REEP1: variants seen among roughly 807,000 people sequenced by gnomAD.
REEP1 encodes receptor expression-enhancing protein 1.
REEP1 carries 22 observed loss-of-function variants against 40.3 expected under a neutral mutation model. The ratio of observed to expected loss-of-function variants is 0.55; its 90% CI spans 0.39 to 0.78. REEP1 has a LOEUF of 0.78. Ranked by LOEUF, REEP1 falls within the 30% of genes least tolerant of loss-of-function variation. REEP1 has a pLI of 0.00. For missense variants in REEP1, 280 were observed against 361.1 expected (o/e 0.78, Z 1.82); for synonymous variants, 116 against 139.2 (o/e 0.83, Z 1.17).
At chr2:86,239,152 A>C (rs1157947835) in intron 5 of REEP1, among the ~76,000 whole-genome samples, 1 of 141,152 alleles carries the variant, frequency 7.1e-6, no homozygotes, top group Non-Finnish European at 1.5e-5. Context: ...GGTCACCCTG[A>C]GGACCTCATT....
intron 4 of REEP1, among the ~76,000 whole-genome samples, chr2:86,252,633 CCTTAT>C: frequency 6.6e-6 from 1 of 152,180 alleles, no homozygotes; most frequent in Non-Finnish European, 1.5e-5. Flanking sequence ...ATGTCATCTT[CCTTAT>C]CTTGACAGGG....
In REEP1 at chr2:86,316,474, G is replaced by A. The variant is rs573674796; in HGVS notation, c.32+21005C>T. Among the ~76,000 whole-genome samples, 3 of 147,910 alleles carry A rather than the reference G, an allele frequency of 2.0e-5. No homozygotes were observed. In the Admixed American group the frequency reaches 2.1e-4, roughly 10 times the overall value. On this transcript the variant is annotated intron_variant, in intron 1 of 8. Transcript: ENST00000538924. ...GAGGTAGGAGAATCACTTGAACCTG[G>A]CAGGCAGAGGTTGCAGTGAGCCGAG...
At chr2:86,242,101 G>A (rs1675694880) in intron 5 of REEP1, among the ~76,000 whole-genome samples, 1 of 152,120 alleles carries the variant, frequency 6.6e-6, no homozygotes, top group South Asian at 2.1e-4. Context: ...TGACATATGA[G>A]CAAATAACAG....
chr2:86,217,200 T>C, intron 8 of REEP1, 90 bp from the exon 9 acceptor site: 1 of 1,140,750 alleles, frequency 8.8e-7, no homozygotes, highest in Non-Finnish European at 1.3e-6. Flanking sequence ...TGTTGAGACT[T>C]CCAGCTCCTT....
intron 5 of REEP1, among the ~76,000 whole-genome samples, chr2:86,242,273 G>A (rs940081987): frequency 1.9e-4 from 29 of 152,266 alleles, no homozygotes; most frequent in African/African-American, 7.0e-4. Context: ...TTTTAAACCT[G>A]GTCTGCTTAT....
intron 1 of REEP1, among the ~76,000 whole-genome samples, chr2:86,311,288 C>T (rs1279769313): frequency 6.6e-6 from 1 of 152,204 alleles, no homozygotes; most frequent in African/African-American, 2.4e-5. Flanking sequence ...GCCCTTATTT[C>T]CTCCTGCAAC....
At position 86,311,850 on chromosome 2, in the gene REEP1, C is replaced by T. The variant is rs574487895; in HGVS notation, c.32+25629G>A. On this transcript the variant is annotated intron_variant, in intron 1 of 8. Coordinates refer to ENST00000538924, the MANE Select transcript of REEP1 (RefSeq NM_001371279.1). Reference sequence around the variant, plus strand: ...AGAAGCTACCTGCCATGTAAGATCCCGTTCTACCATCCTGCACTGGCAGTG... The same window carrying T: ...AGAAGCTACCTGCCATGTAAGATCCTGTTCTACCATCCTGCACTGGCAGTG... Among the ~76,000 whole-genome samples the T allele has an allele frequency of 6.6e-5, 10 of 152,152 alleles. No homozygotes were observed. In the South Asian group the frequency reaches 8.3e-4, roughly 13 times the overall value.
intron 1 of REEP1, among the ~76,000 whole-genome samples, chr2:86,312,312 A>T (rs1679800271): frequency 1.3e-5 from 2 of 152,112 alleles, no homozygotes; most frequent in Admixed American, 6.5e-5. Flanking sequence ...TGTTTGGAAG[A>T]CCATTTACTC....
At chr2:86,279,738 A>C (rs1375906703) in intron 2 of REEP1, among the ~76,000 whole-genome samples, 2 of 152,176 alleles carry the variant, frequency 1.3e-5, no homozygotes, top group Non-Finnish European at 1.5e-5. Context: ...GCACAAGCCT[A>C]AGAATCCAGG....
intron 3 of REEP1, among the ~76,000 whole-genome samples, chr2:86,259,608 G>A (rs1334746901): frequency 1.3e-5 from 2 of 151,732 alleles, no homozygotes; most frequent in African/African-American, 2.4e-5. Flanking sequence ...GGTTGGTCTC[G>A]AACTCCTGGC....
At position 86,214,935 on chromosome 2, in the gene REEP1, A is replaced by G. The variant is rs901507219; in HGVS notation, c.*2104T>C. The G allele has an allele frequency of 2.7e-5, 4 of 148,976 alleles. No individual in the cohort carries two copies. The highest frequency in any genetic ancestry group is 9.9e-5 in the African/African-American group (4 of 40,566). 9.2% of individuals were successfully genotyped at this position (148,976 alleles called of 1,614,324 possible). A position where few individuals can be genotyped will look rare whatever the true frequency, so the allele number is the denominator to read the frequency against. On this transcript the variant is annotated 3_prime_UTR_variant, in exon 9 of 9. Transcript: ENST00000538924. ...CTCCATTGTAAAATGGCGAAAATAT[A>G]GGTTGTTCACGATAGGATTTTAAAC...
intron 8 of REEP1, among the ~76,000 whole-genome samples, chr2:86,219,458 T>TC (rs1674300662): frequency 1.3e-5 from 2 of 150,568 alleles, no homozygotes; most frequent in African/African-American, 4.9e-5. Context: ...TTTCTTTTTT[T>TC]TTTTTTTTTT....
At chr2:86,299,776 CA>C (rs1378161528) in intron 1 of REEP1, among the ~76,000 whole-genome samples, 1 of 152,186 alleles carries the variant, frequency 6.6e-6, no homozygotes, top group South Asian at 2.1e-4. Context: ...TTACTGTTAA[CA>C]TAAGCACAAC....
At chr2:86,235,943 G>A (rs1225327755) in intron 5 of REEP1, among the ~76,000 whole-genome samples, 2 of 152,274 alleles carry the variant, frequency 1.3e-5, no homozygotes, top group Admixed American at 6.5e-5. Flanking sequence ...CTGACCGGGC[G>A]CGGTGGTTCA....
chr2:86,217,208 C>A, intron 8 of REEP1, 98 bp from the exon 9 acceptor site: 1 of 1,050,330 alleles, frequency 9.5e-7, no homozygotes, highest in East Asian at 2.4e-5. Context: ...CTTCCAGCTC[C>A]TTTGGCCAAA....
At chr2:86,264,969 A>T (rs7559823) in intron 2 of REEP1, among the ~76,000 whole-genome samples, 1 of 152,176 alleles carries the variant, frequency 6.6e-6, no homozygotes, top group Admixed American at 6.5e-5. Flanking sequence ...TCCAAAGAAA[A>T]GGAGAATGCA....
At chr2:86,308,117 G>A (rs1441003750) in intron 1 of REEP1, among the ~76,000 whole-genome samples, 2 of 152,202 alleles carry the variant, frequency 1.3e-5, no homozygotes, top group East Asian at 1.9e-4. Context: ...AGAACAAAAG[G>A]AAGATAAATG....
At chr2:86,335,918 C>A (rs1681006860) in intron 1 of REEP1, among the ~76,000 whole-genome samples, 1 of 143,600 alleles carries the variant, frequency 7.0e-6, no homozygotes, top group Admixed American at 6.9e-5. Flanking sequence ...GTCACATGAC[C>A]CAGTGCTAAT....
chr2:86,226,359 C>T (rs981513581), intron 7 of REEP1, among the ~76,000 whole-genome samples: 3 of 151,840 alleles, frequency 2.0e-5, no homozygotes, highest in Non-Finnish European at 2.9e-5. Context: ...GGACCAGAAA[C>T]CCCTGGAACT....
Sources: gnomAD v4.1 joint callset for allele counts (sites outside exome capture counted in the v4.1 genomes callset) on GRCh38, gnomAD v4.1.1 for gene constraint, MANE v1.5 for transcripts, NCBI Gene and HGNC (gene_info 2026-07-23, HGNC 2026-07-21) for gene names.